Variants in LSAMP observed in about 807,000 individuals in gnomAD.
LSAMP encodes the protein limbic system-associated membrane protein.
LSAMP carries 7 observed loss-of-function variants against 38.6 expected under a neutral mutation model. That is an observed-to-expected ratio of 0.18 (90% CI 0.10 to 0.34). LSAMP has a LOEUF of 0.34. Among genes scored for constraint, LSAMP ranks in the 10% least tolerant of loss-of-function variants. The pLI, the probability that LSAMP is intolerant of heterozygous loss-of-function variation, is 1.00. For synonymous variants in LSAMP, 154 were observed against 166.8 expected, an observed-to-expected ratio of 0.92 and a Z score of 0.59; for missense variants, 313 against 420.0, an observed-to-expected ratio of 0.75 and a Z score of 2.23.
At chr3:116,034,805 C>T (rs1471307211) in intron 2 of LSAMP, among the ~76,000 whole-genome samples, 1 of 152,150 alleles carries the variant, frequency 6.6e-6, no homozygotes, top group Admixed American at 6.6e-5. Context: ...TAATATTAGC[C>T]TCTTTCCATG....
intron 1 of LSAMP, among the ~76,000 whole-genome samples, chr3:116,235,009 T>A (rs985790596): frequency 7.0e-6 from 1 of 142,298 alleles, no homozygotes; most frequent in Middle Eastern, 3.6e-3. Context: ...GAACTTTTTT[T>A]ATGTAGCATT....
chr3:116,276,997 A>T (rs1559809921), intron 1 of LSAMP, among the ~76,000 whole-genome samples: 1 of 152,198 alleles, frequency 6.6e-6, no homozygotes, highest in Non-Finnish European at 1.5e-5. Context: ...ATAAGCGAGT[A>T]CACATGGAGC....
intron 1 of LSAMP, among the ~76,000 whole-genome samples, chr3:116,343,599 A>T (rs546093785): frequency 3.3e-5 from 5 of 152,284 alleles, no homozygotes; most frequent in African/African-American, 1.2e-4. Flanking sequence ...ACTGCTGGCC[A>T]CAGGCAATCT....
chr3:115,926,848 A>G (rs1173468322), intron 3 of LSAMP, among the ~76,000 whole-genome samples: 2 of 152,026 alleles, frequency 1.3e-5, no homozygotes, highest in African/African-American at 4.8e-5. Flanking sequence ...TCTCTTCTTG[A>G]CTTTTCTTTC....
chr3:115,908,157 G>A (rs1937055622), intron 3 of LSAMP, among the ~76,000 whole-genome samples: 3 of 151,914 alleles, frequency 2.0e-5, no homozygotes, highest in African/African-American at 7.3e-5. Context: ...TTTTATTTAT[G>A]CCGTTTCATC....
At chr3:116,160,796 A>G (rs1709870998) in intron 1 of LSAMP, among the ~76,000 whole-genome samples, 1 of 152,226 alleles carries the variant, frequency 6.6e-6, no homozygotes, top group Non-Finnish European at 1.5e-5. Context: ...AAGAACATTT[A>G]AGAAGTTTGT....
At chr3:116,104,084 C>T (rs1339347795) in intron 1 of LSAMP, among the ~76,000 whole-genome samples, 1 of 151,066 alleles carries the variant, frequency 6.6e-6, no homozygotes, top group Non-Finnish European at 1.5e-5. Context: ...GATTTCTTTC[C>T]CCATCACTGA....
chr3:116,372,497 T>C (rs1318087705), intron 1 of LSAMP, among the ~76,000 whole-genome samples: 2 of 151,914 alleles, frequency 1.3e-5, no homozygotes, highest in African/African-American at 2.4e-5. Context: ...CAACATTTGA[T>C]GGCAATGATT....
chr3:116,431,252 T>C (rs1414172394), intron 1 of LSAMP, among the ~76,000 whole-genome samples: 2 of 152,046 alleles, frequency 1.3e-5, no homozygotes, highest in Non-Finnish European at 2.9e-5. Context: ...AATATATTAA[T>C]AAGTCTATTG....
rs2047852224 is a variant in LSAMP, at chr3:116,331,587, A to G, written c.155+113290T>C. 2.0e-5 allele frequency among the ~76,000 whole-genome samples: 3 copies of G among 152,160 alleles called. No homozygotes were observed. In the South Asian group the frequency reaches 6.2e-4, roughly 31 times the overall value. On this transcript the variant is annotated intron_variant, in intron 1 of 6. Transcript: ENST00000490035. The stretch of plus-strand genomic sequence containing the variant: ...GGATACCAGAAGGCAGTGGCCTGGA[A>G]GAAATTGAAACATGTCCAAATAAAT...
chr3:116,336,981 AT>A (rs1481160095), intron 1 of LSAMP, among the ~76,000 whole-genome samples: 1 of 151,668 alleles, frequency 6.6e-6, no homozygotes, highest in African/African-American at 2.4e-5. Context: ...TGTGTAATGG[AT>A]ATTAAGTCTT....
chr3:116,026,993 TA>T (rs1940806196), intron 2 of LSAMP, among the ~76,000 whole-genome samples: 1 of 152,236 alleles, frequency 6.6e-6, no homozygotes, highest in Non-Finnish European at 1.5e-5. Flanking sequence ...AATTGTCAGA[TA>T]AAATAGTGTA....
At chr3:116,013,397 A>G (rs1940387501) in intron 3 of LSAMP, among the ~76,000 whole-genome samples, 1 of 152,208 alleles carries the variant, frequency 6.6e-6, no homozygotes, top group Admixed American at 6.5e-5. Flanking sequence ...TTACTAAAAA[A>G]GAATTTGTAT....
At chr3:115,937,402 A>G (rs4381931) in intron 3 of LSAMP, among the ~76,000 whole-genome samples, 2 of 151,864 alleles carry the variant, frequency 1.3e-5, no homozygotes, top group Non-Finnish European at 2.9e-5. Context: ...GCATGTTGGG[A>G]TGCTGAGGTG....
At chr3:116,378,623 T>C (rs917103167) in intron 1 of LSAMP, among the ~76,000 whole-genome samples, 2 of 152,100 alleles carry the variant, frequency 1.3e-5, no homozygotes, top group African/African-American at 4.8e-5. Flanking sequence ...CTGAAAATGC[T>C]GAGCATTTAT....
At chr3:116,385,873 G>A (rs1432510352) in intron 1 of LSAMP, among the ~76,000 whole-genome samples, 2 of 151,888 alleles carry the variant, frequency 1.3e-5, no homozygotes, top group Admixed American at 1.3e-4. Context: ...AAATTTTTGA[G>A]TTGTGTATAA....
At chr3:116,039,427 C>T (rs756842304) in intron 2 of LSAMP, among the ~76,000 whole-genome samples, 7 of 152,210 alleles carry the variant, frequency 4.6e-5, no homozygotes, top group Non-Finnish European at 7.4e-5. Flanking sequence ...TGTGAGAGTA[C>T]ATTTAAAAGC....
chr3:115,831,511 C>T (rs1934610703), intron 6 of LSAMP, among the ~76,000 whole-genome samples: 1 of 152,142 alleles, frequency 6.6e-6, no homozygotes, highest in South Asian at 2.1e-4. Flanking sequence ...GAGAATGTCT[C>T]TGGGTGCACT....
At chr3:116,128,536 C>A (rs1312553867) in intron 1 of LSAMP, among the ~76,000 whole-genome samples, 1 of 152,172 alleles carries the variant, frequency 6.6e-6, no homozygotes, top group Non-Finnish European at 1.5e-5. Flanking sequence ...TTGGTAATGG[C>A]TCCCATAATT....
Sources: gnomAD v4.1 joint callset for allele counts (sites outside exome capture counted in the v4.1 genomes callset) on GRCh38, gnomAD v4.1.1 for gene constraint, MANE v1.5 for transcripts, NCBI Gene and HGNC (gene_info 2026-07-23, HGNC 2026-07-21) for gene names.